Variants in CHUK observed in about 807,000 individuals in gnomAD.
CHUK encodes inhibitor of nuclear factor kappa-B kinase subunit alpha.
CHUK carries 35 observed loss-of-function variants against 104.8 expected under a neutral mutation model. That is an observed-to-expected ratio of 0.33 (90% CI 0.26 to 0.44). The LOEUF is 0.44. CHUK is among the 20% of genes least tolerant of loss of function. The probability of loss-of-function intolerance (pLI) is 1.00; values close to 1 mark genes in which losing one functional copy is unlikely to be tolerated. For missense variants in CHUK, 663 were observed against 902.7 expected, an observed-to-expected ratio of 0.73 and a Z score of 3.40; for synonymous variants, 276 against 291.9, an observed-to-expected ratio of 0.95 and a Z score of 0.56.
At chr10:100,213,072 C>T (rs11818075) in intron 9 of CHUK, among the ~76,000 whole-genome samples, 11,022 of 150,560 alleles carry the variant, frequency 0.073, 692 homozygotes, top group African/African-American at 0.16. Context: ...ATTCCCAACA[C>T]AGAGAAATTA....
chr10:100,208,432 G>A (rs1227658231), intron 10 of CHUK, among the ~76,000 whole-genome samples: 4 of 152,196 alleles, frequency 2.6e-5, no homozygotes, highest in African/African-American at 4.8e-5. Flanking sequence ...TGGGAGTGTG[G>A]CAGGCCAGGT....
chr10:100,201,204 C>CAGGATA (rs561366147), intron 14 of CHUK, among the ~76,000 whole-genome samples: 350 of 152,254 alleles, frequency 2.3e-3, no homozygotes, highest in African/African-American at 8.0e-3. Flanking sequence ...TTTCCCACCC[C>CAGGATA]AGGACACCAT....
Position 100,204,505 on chromosome 10 carries a change from C to G in CHUK, c.1507+1G>C. ...TTCAAATACATTACACAGACACTTA[C>G]ATATCCCATACGTCATCTGCTCGCT... On this transcript the variant is annotated splice_donor_variant, in intron 13 of 20. Transcript: ENST00000370397. LOFTEE classifies it high-confidence loss of function. 1 of 1,612,728 alleles carries G rather than the reference C, an allele frequency of 6.2e-7. No individual in the cohort carries two copies.
intron 14 of CHUK, among the ~76,000 whole-genome samples, chr10:100,201,308 A>G (rs1262485557): frequency 6.6e-6 from 1 of 152,196 alleles, no homozygotes; most frequent in Non-Finnish European, 1.5e-5. Context: ...AGGGGAAAAA[A>G]TCTGCCACCT....
At chr10:100,219,432 C>T (rs1589596134) in intron 5 of CHUK, 73 bp from the exon 6 acceptor site, 4 of 890,264 alleles carry the variant, frequency 4.5e-6, no homozygotes, top group South Asian at 2.7e-5. Flanking sequence ...AATATCCTTA[C>T]GAGGCTGTAG....
rs76241576 is a variant in CHUK, at chr10:100,225,460, G to A, written c.200+463C>T. On this transcript the variant is annotated intron_variant, in intron 2 of 20. Transcript: ENST00000370397. ...CCTTTTTAAGGCTGCATGATATTCC[G>A]TTTCATGAATATACCACATTTTGTT... 2.7e-3 allele frequency among the ~76,000 whole-genome samples: 405 copies of A among 152,192 alleles called. 6 individuals are homozygous for A. The highest frequency in any genetic ancestry group is 1.3e-3 in the Non-Finnish European group (89 of 68,008).
intron 9 of CHUK, among the ~76,000 whole-genome samples, chr10:100,211,282 T>TA: frequency 6.6e-6 from 1 of 152,350 alleles, no homozygotes; most frequent in Admixed American, 6.5e-5. Context: ...ACATATTTTA[T>TA]TTTGTGACAA....
At chr10:100,205,301 G>A in intron 11 of CHUK, 102 bp from the exon 12 acceptor site, 1 of 1,224,160 alleles carries the variant, frequency 8.2e-7, no homozygotes, top group Admixed American at 1.7e-5. Flanking sequence ...CACACAAACA[G>A]GATTCCCATA....
chr10:100,225,857 T>C (rs1846092605), intron 2 of CHUK, 66 bp downstream of exon 2: 2 of 921,264 alleles, frequency 2.2e-6, no homozygotes, highest in South Asian at 1.3e-5. Flanking sequence ...TCCTGGCCTC[T>C]TTCCCCATGA....
intron 14 of CHUK, 95 bp from the exon 15 acceptor site, chr10:100,200,875 C>A (rs1845445883): frequency 1.3e-6 from 1 of 752,314 alleles, no homozygotes; most frequent in African/African-American, 1.7e-5. Context: ...TGACTTGCTG[C>A]TTCATTAGAG....
intron 16 of CHUK, among the ~76,000 whole-genome samples, chr10:100,197,477 C>A (rs1845360480): frequency 6.6e-6 from 1 of 152,090 alleles, no homozygotes; most frequent in South Asian, 2.1e-4. Flanking sequence ...CTAGAAAATT[C>A]TTGAGAACCC....
chr10:100,218,221 T>C lies in CHUK; in HGVS notation c.798-91A>G, dbSNP rs567186711. ...GAAAGGTAATTTTGCAGGTTGTCCA[T>C]TTTCTTTCCCACATCACTTGTCTGT... is the stretch of plus-strand genomic sequence containing the variant. On this transcript the variant is annotated intron_variant, in intron 8 of 20. Transcript: ENST00000370397. The C allele has an allele frequency of 1.3e-3, 1,531 of 1,157,580 alleles. 35 individuals are homozygous for C. In the South Asian group the frequency reaches 0.018, roughly 14 times the overall value. The allele number at this position is 1,157,580 out of a possible 1,614,324, so 71.7% of individuals were successfully genotyped here.
At chr10:100,208,335 G>A (rs997116234) in intron 10 of CHUK, among the ~76,000 whole-genome samples, 2 of 152,130 alleles carry the variant, frequency 1.3e-5, no homozygotes, top group African/African-American at 2.4e-5. Context: ...TCGAACTCTT[G>A]AACTCAGCAA....
intron 16 of CHUK, among the ~76,000 whole-genome samples, chr10:100,197,486 C>T (rs1845360714): frequency 6.6e-6 from 1 of 152,004 alleles, no homozygotes; most frequent in South Asian, 2.1e-4. Flanking sequence ...TCTTGAGAAC[C>T]CCAAAGGGTT....
intron 14 of CHUK, among the ~76,000 whole-genome samples, chr10:100,201,419 T>A (rs1214118246): frequency 6.6e-6 from 1 of 152,146 alleles, no homozygotes; most frequent in African/African-American, 2.4e-5. Flanking sequence ...GGCAAGACAT[T>A]AAGTATAAAC....
downstream of CHUK, chr10:100,187,822 C>G (rs1247020189): frequency 6.6e-6 from 1 of 152,196 alleles, no homozygotes; most frequent in Non-Finnish European, 1.5e-5. Context: ...AAATGCATGA[C>G]CATTGAAAAT....
At position 100,222,063 on chromosome 10, in the gene CHUK, G is replaced by T. The variant is rs760006200; in HGVS notation, c.385+49C>A. ...CTGAATTCCCAAAAAGATCTTTTAT[G>T]GGCCAAAGGGACATTACATTACAAT... On this transcript the variant is annotated intron_variant, in intron 4 of 20. Coordinates refer to ENST00000370397, the MANE Select transcript of CHUK (RefSeq NM_001278.5). 3 of 948,546 alleles carry T rather than the reference G, an allele frequency of 3.2e-6. 1 individual carries two copies. The South Asian group carries it at 4.0e-5, about 13-fold the overall frequency. 58.8% of individuals were successfully genotyped at this position (948,546 alleles called of 1,614,324 possible).
intron 9 of CHUK, among the ~76,000 whole-genome samples, chr10:100,210,075 A>AT (rs1259923390): frequency 1.5e-5 from 2 of 132,864 alleles, no homozygotes; most frequent in African/African-American, 6.8e-5. Context: ...TTATTTATTT[A>AT]TTTATTTATT....
chr10:100,224,808 C>T (rs1846069105), intron 2 of CHUK, among the ~76,000 whole-genome samples: 1 of 151,732 alleles, frequency 6.6e-6, no homozygotes, highest in South Asian at 2.1e-4. Flanking sequence ...ATAAAATTTA[C>T]CACCTTAACC....
Sources: gnomAD v4.1 joint callset for allele counts (sites outside exome capture counted in the v4.1 genomes callset) on GRCh38, gnomAD v4.1.1 for gene constraint, MANE v1.5 for transcripts, NCBI Gene and HGNC (gene_info 2026-07-23, HGNC 2026-07-21) for gene names.